PRKAR1B: variants seen among roughly 807,000 people sequenced by gnomAD.
The protein encoded by PRKAR1B is protein kinase cAMP-dependent type I regulatory subunit beta.
PRKAR1B carries 22 observed loss-of-function variants against 46.5 expected under a neutral mutation model. The ratio of observed to expected loss-of-function variants is 0.47; its 90% CI spans 0.34 to 0.68. The LOEUF is 0.68. Ranked by LOEUF, PRKAR1B falls within the 30% of genes least tolerant of loss-of-function variation. The pLI is 0.01. For synonymous variants in PRKAR1B, 259 were observed against 217.7 expected, an observed-to-expected ratio of 1.19 and a Z score of -1.67; for missense variants, 445 against 535.6, an observed-to-expected ratio of 0.83 and a Z score of 1.67.
chr7:578,526 T>C (rs914618555), intron 9 of PRKAR1B, among the ~76,000 whole-genome samples: 2 of 152,186 alleles, frequency 1.3e-5, no homozygotes, highest in African/African-American at 4.8e-5. Flanking sequence ...GTACCCTGAA[T>C]GTATGCGATG....
chr7:566,450 T>C (rs1453443933), intron 9 of PRKAR1B, among the ~76,000 whole-genome samples: 3 of 151,044 alleles, frequency 2.0e-5, no homozygotes, highest in African/African-American at 7.3e-5. Context: ...ACCACAACCA[T>C]CATCACCATC....
chr7:703,360 G>C (rs1780157699), intron 2 of PRKAR1B, among the ~76,000 whole-genome samples: 1 of 152,140 alleles, frequency 6.6e-6, no homozygotes, highest in Non-Finnish European at 1.5e-5. Flanking sequence ...GAATCAGCAA[G>C]AATGGGCCAG....
At chr7:716,529 T>G (rs1443335019) in intron 1 of PRKAR1B, 1 of 152,218 alleles carries the variant, frequency 6.6e-6, no homozygotes, top group Non-Finnish European at 1.5e-5. Flanking sequence ...TGGTAGCTCT[T>G]ATTACACGTG....
rs1031852692 is a variant in PRKAR1B at position 727,105 on chromosome 7, G to C, written c.-23+105C>G. 1,557 of 1,093,628 alleles carry C rather than the reference G, an allele frequency of 1.4e-3. No homozygotes were observed. Among genetic ancestry groups the C allele is most frequent in the Non-Finnish European group, 1.7e-3 (1,495 of 902,810 alleles). The allele number at this position is 1,093,628 out of a possible 1,614,324, so 67.7% of individuals were successfully genotyped here. ...GCTCGCCGCGCGCTTGGCCGGCCCCGTGCCCGCGCGCCGCCCGCCCGAGGC... is the reference window on the plus strand; with the variant it reads ...GCTCGCCGCGCGCTTGGCCGGCCCCCTGCCCGCGCGCCGCCCGCCCGAGGC... On this transcript the variant is annotated intron_variant, in intron 1 of 10. Coordinates refer to ENST00000537384, the MANE Select transcript of PRKAR1B (RefSeq NM_001164760.2).
chr7:572,057 C>A (rs945073980), intron 9 of PRKAR1B, among the ~76,000 whole-genome samples: 1 of 152,212 alleles, frequency 6.6e-6, no homozygotes, highest in African/African-American at 2.4e-5. Flanking sequence ...TGGGGCTGCC[C>A]CCCAACCTTT....
intron 2 of PRKAR1B, among the ~76,000 whole-genome samples, chr7:685,290 G>GTATATATACGTA (rs1562615533): frequency 7.6e-5 from 1 of 13,114 alleles, no homozygotes. Context: ...GTATATATAT[G>GTATATATACGTA]TATACATATA....
At chr7:645,727 GGA>G (rs1784589503) in intron 4 of PRKAR1B, among the ~76,000 whole-genome samples, 1 of 152,130 alleles carries the variant, frequency 6.6e-6, no homozygotes, top group African/African-American at 2.4e-5. Flanking sequence ...AGTGCCCTGG[GGA>G]GAGGCCTGGG....
intron 2 of PRKAR1B, among the ~76,000 whole-genome samples, chr7:685,793 T>A (rs1038617346): frequency 1.3e-5 from 2 of 152,184 alleles, no homozygotes; most frequent in Non-Finnish European, 2.9e-5. Flanking sequence ...TTTGTAGTTA[T>A]AACAAAGGCA....
At chr7:579,633 G>A (rs946308398) in intron 8 of PRKAR1B, among the ~76,000 whole-genome samples, 4 of 152,252 alleles carry the variant, frequency 2.6e-5, no homozygotes, top group African/African-American at 7.2e-5. Context: ...GTTGCGGAGG[G>A]AGCTATTCTG....
intron 4 of PRKAR1B, among the ~76,000 whole-genome samples, chr7:657,300 GATGA>G (rs1554299027): frequency 4.6e-5 from 6 of 130,164 alleles, no homozygotes; most frequent in East Asian, 4.4e-4. Context: ...TGGATGGATG[GATGA>G]ATGAATGAGT....
At chr7:618,133 G>T (rs1782933522) in intron 4 of PRKAR1B, among the ~76,000 whole-genome samples, 1 of 152,098 alleles carries the variant, frequency 6.6e-6, no homozygotes, top group African/African-American at 2.4e-5. Context: ...CAAGGTCCAG[G>T]AACACAGCCC....
intron 2 of PRKAR1B, among the ~76,000 whole-genome samples, chr7:688,304 CT>C (rs1779213623): frequency 6.6e-6 from 1 of 150,908 alleles, no homozygotes; most frequent in African/African-American, 2.4e-5. Context: ...ACCCAGGGGG[CT>C]GAGACAGGAG....
chr7:696,335 G>A lies in PRKAR1B; in HGVS notation c.177+14994C>T, dbSNP rs188899256. Reference sequence around the variant, plus strand: ...TGCCCAGGCTGGAGTGCAGTGTCGCGATCTTGGCTCACTGCAGCCTCCGCC... The same window carrying A: ...TGCCCAGGCTGGAGTGCAGTGTCGCAATCTTGGCTCACTGCAGCCTCCGCC... On this transcript the variant is annotated intron_variant, in intron 2 of 10. Coordinates refer to ENST00000537384, the MANE Select transcript of PRKAR1B (RefSeq NM_001164760.2). 5.2e-3 allele frequency among the ~76,000 whole-genome samples: 794 copies of A among 151,306 alleles called. 5 individuals are homozygous for A. Among genetic ancestry groups the A allele is most frequent in the Admixed American group, 8.9e-3 (135 of 15,132 alleles).
chr7:628,492 G>A (rs1330854512), intron 4 of PRKAR1B, among the ~76,000 whole-genome samples: 1 of 152,238 alleles, frequency 6.6e-6, no homozygotes, highest in Non-Finnish European at 1.5e-5. Context: ...CCAGCTGTCT[G>A]CCATCAAACC....
chr7:675,092 A>G (rs35178541), intron 4 of PRKAR1B, among the ~76,000 whole-genome samples: 148,342 of 152,356 alleles, frequency 0.97, 72,297 homozygotes, highest in East Asian at 1. Context: ...TAACCACAGC[A>G]TCACTACTCA....
chr7:611,018 GAGGGCAGA>G (rs1447679747), intron 4 of PRKAR1B, among the ~76,000 whole-genome samples: 1 of 152,188 alleles, frequency 6.6e-6, no homozygotes, highest in East Asian at 1.9e-4. Flanking sequence ...TGCGGGGGCC[GAGGGCAGA>G]GCCCCTGGTC....
At chr7:620,291 C>T (rs1454533242) in intron 4 of PRKAR1B, among the ~76,000 whole-genome samples, 3 of 152,098 alleles carry the variant, frequency 2.0e-5, no homozygotes, top group Admixed American at 6.6e-5. Context: ...GAATACAGAC[C>T]GCCTCTCCCT....
At position 649,894 on chromosome 7, in the gene PRKAR1B, G is replaced by T. The variant is rs563437121; in HGVS notation, c.440+27335C>A. Among the ~76,000 whole-genome samples the T allele has an allele frequency of 1.9e-4, 29 of 151,732 alleles. 1 individual carries two copies. The South Asian group carries it at 6.1e-3, about 32-fold the overall frequency. On this transcript the variant is annotated intron_variant, in intron 4 of 10. Transcript: ENST00000537384. ...TTTCTGTTTTTTTGTAGAGCTTGAGGTCTTGCTATGCTGCCCAGGCTATGT... is the reference window on the plus strand; with the variant it reads ...TTTCTGTTTTTTTGTAGAGCTTGAGTTCTTGCTATGCTGCCCAGGCTATGT...
intron 9 of PRKAR1B, among the ~76,000 whole-genome samples, chr7:562,902 G>A (rs1418667781): frequency 2.6e-5 from 4 of 151,160 alleles, no homozygotes; most frequent in East Asian, 1.9e-4. Context: ...CCTGACCCTC[G>A]CCCGCCATTT....
Sources: gnomAD v4.1 joint callset for allele counts (sites outside exome capture counted in the v4.1 genomes callset) on GRCh38, gnomAD v4.1.1 for gene constraint, MANE v1.5 for transcripts, NCBI Gene and HGNC (gene_info 2026-07-23, HGNC 2026-07-21) for gene names.